ADGRL2: variants seen among roughly 807,000 people sequenced by gnomAD.
ADGRL2 encodes the protein calcium-independent alpha-latrotoxin receptor 2.
ADGRL2 carries 44 observed loss-of-function variants against 157.4 expected under a neutral mutation model. The ratio of observed to expected loss-of-function variants is 0.28; its 90% confidence interval spans 0.22 to 0.36. The LOEUF (loss-of-function observed/expected upper bound fraction) is 0.36, where lower values mean the gene tolerates loss of function less well. ADGRL2 is among the 10% of genes least tolerant of loss of function. The pLI is 1.00. For missense variants in ADGRL2, 1,510 were observed against 1,768.9 expected, an observed-to-expected ratio of 0.85 and a Z score of 2.63; for synonymous variants, 585 against 624.7, an observed-to-expected ratio of 0.94 and a Z score of 0.95.
chr1:81,502,387 C>T (rs1332172943), intron 2 of ADGRL2: 1 of 1,614,022 alleles, frequency 6.2e-7, no homozygotes, highest in Non-Finnish European at 8.5e-7. Context: ...GAAGAGAGAT[C>T]TCTCGAGATT....
chr1:81,941,218 AT>A (rs1647842978), intron 4 of ADGRL2, among the ~76,000 whole-genome samples: 1 of 151,070 alleles, frequency 6.6e-6, no homozygotes, highest in Non-Finnish European at 1.5e-5. Context: ...TTTGAGATAT[AT>A]AATATAGAAA....
intron 2 of ADGRL2, among the ~76,000 whole-genome samples, chr1:81,456,693 T>C (rs6667869): frequency 0.45 from 66,802 of 149,540 alleles, 17,598 homozygotes; most frequent in Non-Finnish European, 0.59. Context: ...GTTTTCAGCC[T>C]ATGAGAGGAA....
chr1:81,930,741 A>G (rs1361726691), intron 3 of ADGRL2, among the ~76,000 whole-genome samples: 5 of 152,196 alleles, frequency 3.3e-5, no homozygotes, highest in Non-Finnish European at 7.3e-5. Flanking sequence ...ACAGATGCAT[A>G]TTTGGCTTCA....
chr1:81,341,163 C>T (rs1303033073), intron 1 of ADGRL2, among the ~76,000 whole-genome samples: 1 of 152,038 alleles, frequency 6.6e-6, no homozygotes, highest in African/African-American at 2.4e-5. Context: ...ATTATACAGC[C>T]TGGCTTTAAA....
chr1:81,983,828 C>CT (rs975301571), intron 19 of ADGRL2, among the ~76,000 whole-genome samples: 3 of 150,924 alleles, frequency 2.0e-5, no homozygotes, highest in Admixed American at 6.6e-5. Flanking sequence ...GACCTAACAA[C>CT]TTTTTTTTTG....
At position 81,969,308 on chromosome 1, in the gene ADGRL2, C is replaced by T. The variant is rs1572428803; in HGVS notation, c.2654C>T (p.Thr885Ile). The T allele has an allele frequency of 1.2e-6, 2 of 1,613,850 alleles. No homozygotes were observed. The highest frequency in any genetic ancestry group is 1.7e-5 in the Admixed American group (1 of 59,992). Reference sequence around the variant, plus strand: ...CGTGGCCTACAGAGTGACCGAAATACTATTCACAAGAACCTTTGTATCAAC... The same window carrying T: ...CGTGGCCTACAGAGTGACCGAAATATTATTCACAAGAACCTTTGTATCAAC... ...FFRGLQSDRN[T>I]IHKNLCINLF... The change falls in exon 15 of 24, where the codon ACT (threonine) becomes ATT (isoleucine). Residue 885 changes from threonine (T) to isoleucine (I), a missense_variant. Coordinates refer to ENST00000686636, the MANE Select transcript of ADGRL2 (RefSeq NM_001366006.2).
chr1:81,739,652 A>G (rs1025003388), intron 1 of ADGRL2, among the ~76,000 whole-genome samples: 3 of 152,226 alleles, frequency 2.0e-5, no homozygotes, highest in Non-Finnish European at 4.4e-5. Context: ...AAGCAGATAA[A>G]TTGAGCAAGA....
At chr1:81,391,430 A>G (rs1427276152) in intron 1 of ADGRL2, among the ~76,000 whole-genome samples, 1 of 152,306 alleles carries the variant, frequency 6.6e-6, no homozygotes, top group Non-Finnish European at 1.5e-5. Context: ...GTGCTTCTCT[A>G]GGCATTTGCA....
intron 2 of ADGRL2, among the ~76,000 whole-genome samples, chr1:81,766,328 A>G (rs2086115751): frequency 6.6e-6 from 1 of 152,080 alleles, no homozygotes; most frequent in African/African-American, 2.4e-5. Context: ...TATTCTCCCA[A>G]CTTTCCTAAA....
intron 2 of ADGRL2, among the ~76,000 whole-genome samples, chr1:81,863,995 T>C (rs2093462632): frequency 6.6e-6 from 1 of 152,214 alleles, no homozygotes; most frequent in Non-Finnish European, 1.5e-5. Context: ...AGTGGTAATC[T>C]ATTGTGGAGG....
chr1:81,486,241 A>G (rs1262661337), intron 2 of ADGRL2, among the ~76,000 whole-genome samples: 1 of 152,144 alleles, frequency 6.6e-6, no homozygotes, highest in Non-Finnish European at 1.5e-5. Context: ...GCTGTATTTC[A>G]TAGACATCTT....
chr1:81,337,175 T>G (rs1222982417), intron 1 of ADGRL2, among the ~76,000 whole-genome samples: 1 of 152,194 alleles, frequency 6.6e-6, no homozygotes, highest in Admixed American at 6.5e-5. Flanking sequence ...TCCTGGCATT[T>G]ATCATCTTCA....
chr1:81,945,408 T>C (rs1292196919), intron 6 of ADGRL2, among the ~76,000 whole-genome samples: 1 of 151,586 alleles, frequency 6.6e-6, no homozygotes, highest in East Asian at 1.9e-4. Flanking sequence ...TTTGTCATCC[T>C]CAGAAAAAAA....
chr1:81,511,811 T>G (rs2079084139), intron 2 of ADGRL2, among the ~76,000 whole-genome samples: 1 of 152,172 alleles, frequency 6.6e-6, no homozygotes, highest in South Asian at 2.1e-4. Context: ...TTTTTTTTCT[T>G]TAAACACTTA....
At chr1:81,747,036 A>ATATACGTATATACACATGTG (rs1557615900) in intron 1 of ADGRL2, among the ~76,000 whole-genome samples, 16 of 129,046 alleles carry the variant, frequency 1.2e-4, no homozygotes, top group Non-Finnish European at 2.5e-4. Flanking sequence ...GTATATACGT[A>ATATACGTATATACACATGTG]TATATATGTA....
At chr1:81,557,189 A>G in intron 2 of ADGRL2, 1 of 178,402 alleles carries the variant, frequency 5.6e-6, no homozygotes, top group Admixed American at 6.3e-5. Flanking sequence ...CCCGAGGGAT[A>G]CCGATGCTGG....
At chr1:81,548,021 A>C (rs1169047121) in intron 2 of ADGRL2, among the ~76,000 whole-genome samples, 1 of 152,202 alleles carries the variant, frequency 6.6e-6, no homozygotes, top group Non-Finnish European at 1.5e-5. Context: ...GTAGAAAATC[A>C]AGTCTCAGAA....
intron 1 of ADGRL2, among the ~76,000 whole-genome samples, chr1:81,801,376 C>T (rs1270587595): frequency 6.6e-6 from 1 of 152,146 alleles, no homozygotes; most frequent in Non-Finnish European, 1.5e-5. Flanking sequence ...GTTCAGACCT[C>T]GCGGAGAGTC....
chr1:81,954,256 T>C (rs1652765852), intron 10 of ADGRL2, among the ~76,000 whole-genome samples: 1 of 151,946 alleles, frequency 6.6e-6, no homozygotes, highest in Admixed American at 6.6e-5. Context: ...TTCAGGAATA[T>C]GACTAGGCTA....
Sources: allele counts gnomAD v4.1 joint callset (sites outside exome capture counted in the v4.1 genomes callset), GRCh38; gene constraint gnomAD v4.1.1; transcripts MANE v1.5; gene names NCBI Gene and HGNC (gene_info 2026-07-23, HGNC 2026-07-21).